The following SRRM1 variants were observed in gnomAD, a reference collection of about 807,000 sequenced individuals.
The protein encoded by SRRM1 is serine/arginine repetitive matrix protein 1.
A neutral mutation model predicts 110.2 loss-of-function variants in SRRM1; 19 were observed. That is an observed-to-expected ratio of 0.17 (90% CI 0.12 to 0.25). The LOEUF (loss-of-function observed/expected upper bound fraction) is 0.25. Ranked by LOEUF, SRRM1 falls within the 10% of genes least tolerant of loss-of-function variation. The pLI is 1.00. For missense variants in SRRM1, 918 were observed against 1,145.8 expected, an observed-to-expected ratio of 0.80 and a Z score of 2.87; for synonymous variants, 443 against 414.9, an observed-to-expected ratio of 1.07 and a Z score of -0.82.
chr1:24,666,016 TAG>T (rs1398656839), intron 12 of SRRM1, among the ~76,000 whole-genome samples: 2 of 152,172 alleles, frequency 1.3e-5, no homozygotes, highest in Admixed American at 1.3e-4. Flanking sequence ...ATTTCTGTAT[TAG>T]AGTCTCTAAA....
At chr1:24,664,123 G>A (rs1231225927) in intron 12 of SRRM1, among the ~76,000 whole-genome samples, 1 of 150,790 alleles carries the variant, frequency 6.6e-6, no homozygotes, top group African/African-American at 2.4e-5. Flanking sequence ...AGCCTCCTGA[G>A]TAGCTGGGAC....
chr1:24,643,612 C>T (rs961130814), intron 1 of SRRM1: 3 of 398,932 alleles, frequency 7.5e-6, no homozygotes, highest in African/African-American at 4.2e-5. Context: ...CGGGATGGTA[C>T]CTCGCTGCCC....
At chr1:24,647,814 A>C (rs747312020) in intron 3 of SRRM1, 7 of 152,388 alleles carry the variant, frequency 4.6e-5, no homozygotes, top group African/African-American at 7.2e-5. Context: ...AAAACCAGGA[A>C]CAGGGGAGAA....
chr1:24,657,516 G>C (rs1158864507), intron 9 of SRRM1, among the ~76,000 whole-genome samples: 1 of 152,166 alleles, frequency 6.6e-6, no homozygotes, highest in East Asian at 1.9e-4. Flanking sequence ...GCTTAGAACA[G>C]TAACATCATT....
rs570725795 is a variant in SRRM1 at position 24,651,330 on chromosome 1, T to TA, written c.522-77dup. ...TATAAACAGTAGTGTAACTAAAGAT[T>TA]AATCCTCACTTCTCCCTTTGACTCC... On this transcript the variant is annotated intron_variant, in intron 5 of 16. Transcript: ENST00000323848. 1,452 of 1,156,986 alleles carry TA rather than the reference T, an allele frequency of 1.3e-3. 6 individuals are homozygous for TA. In the African/African-American group the frequency reaches 0.02, roughly 16 times the overall value. The allele number at this position is 1,156,986 out of a possible 1,614,324, so 71.7% of individuals were successfully genotyped here. A position where few individuals can be genotyped will look rare whatever the true frequency, so the allele number is the denominator to read the frequency against.
intron 13 of SRRM1, 99 bp from the exon 14 acceptor site, chr1:24,669,024 C>G: frequency 1.2e-6 from 1 of 867,804 alleles, no homozygotes; most frequent in East Asian, 2.6e-5. Context: ...TTCCCTTTGC[C>G]TAGTGCTAAC....
chr1:24,672,144 G>A (rs745887642), intron 16 of SRRM1, 38 bp from the exon 17 acceptor site: 3 of 1,491,266 alleles, frequency 2.0e-6, no homozygotes, highest in East Asian at 2.3e-5. Context: ...TCCCACCAGG[G>A]TCTCAAGACT....
chr1:24,644,216 C>T (rs1362939471), intron 1 of SRRM1, among the ~76,000 whole-genome samples: 4 of 152,160 alleles, frequency 2.6e-5, no homozygotes, highest in African/African-American at 9.7e-5. Flanking sequence ...TCTCGGGGCC[C>T]ACACTTTATC....
intron 14 of SRRM1, chr1:24,669,817 G>T (rs1009277451): frequency 5.4e-6 from 3 of 558,672 alleles, no homozygotes; most frequent in South Asian, 2.7e-5. Flanking sequence ...GTTTTTGAGG[G>T]GTATGCTTCC....
intron 1 of SRRM1, among the ~76,000 whole-genome samples, chr1:24,645,490 A>G (rs917475274): frequency 1.3e-5 from 2 of 152,220 alleles, no homozygotes; most frequent in African/African-American, 4.8e-5. Flanking sequence ...TTCTTCACTC[A>G]TTCCAAGTTC....
rs1421618246 is a variant in SRRM1 at position 24,653,036 on chromosome 1, A to G, written c.1040+4A>G. On this transcript the variant is annotated splice_donor_region_variant and intron_variant, in intron 8 of 16. Transcript: ENST00000323848. ...GGAGTAGATCTCCAGTAAGACGGTAAGATTTTTTAAATTTGGAAGTGTCAA... is the reference window on the plus strand; with the variant it reads ...GGAGTAGATCTCCAGTAAGACGGTAGGATTTTTTAAATTTGGAAGTGTCAA... 6.2e-7 allele frequency: 1 copy of G among 1,608,728 alleles called. No individual in the cohort carries two copies. Among genetic ancestry groups the G allele is most frequent in the South Asian group, 1.1e-5 (1 of 90,150 alleles).
At chr1:24,646,560 C>A in intron 2 of SRRM1, 107 bp from the exon 3 acceptor site, 2 of 995,310 alleles carry the variant, frequency 2.0e-6, no homozygotes, top group Admixed American at 2.8e-5. Context: ...TCTACTATGC[C>A]AAACAAAAAA....
At chr1:24,663,164 T>G in intron 12 of SRRM1, 2 of 1,506,158 alleles carry the variant, frequency 1.3e-6, no homozygotes, top group Non-Finnish European at 1.8e-6. Context: ...TGACATTTGT[T>G]TTTCTCCACT....
chr1:24,666,731 C>T lies in SRRM1; in HGVS notation c.1629-84C>T, dbSNP rs1018629031. 9 of 1,110,242 alleles carry T rather than the reference C, an allele frequency of 8.1e-6. No homozygotes were observed. In the African/African-American group the frequency reaches 1.1e-4, roughly 14 times the overall value. 68.8% of individuals were successfully genotyped at this position (1,110,242 alleles called of 1,614,324 possible). A position where few individuals can be genotyped will look rare whatever the true frequency, so the allele number is the denominator to read the frequency against. ...AGTGAGCCAAGATCATGCCATTGCACTCCAGCCTGGGCGACAGAGTGAGAC... is the reference window on the plus strand; with the variant it reads ...AGTGAGCCAAGATCATGCCATTGCATTCCAGCCTGGGCGACAGAGTGAGAC... On this transcript the variant is annotated intron_variant, in intron 12 of 16. Coordinates refer to ENST00000323848, the MANE Select transcript of SRRM1 (RefSeq NM_005839.4).
In SRRM1 at chr1:24,654,963, G is replaced by A. The variant is rs193154391; in HGVS notation, c.1149G>A (p.Arg383=). 2 of 1,614,064 alleles carry A rather than the reference G, an allele frequency of 1.2e-6. No individual in the cohort carries two copies. Among genetic ancestry groups the A allele is most frequent in the Non-Finnish European group, 1.7e-6 (2 of 1,180,012 alleles). ...KPPKRTSSPP[R]KTRRLSPSAS... The stretch of plus-strand genomic sequence containing the variant: ...CCAAGAGGACATCCAGCCCCCCTCG[G>A]AAAACTCGTAGGTTATCTCCTTCAG... Residue 383 remains arginine (R), a synonymous_variant, in exon 9 of 17, where the codon CGG becomes CGA. Coordinates refer to ENST00000323848, the MANE Select transcript of SRRM1 (RefSeq NM_005839.4).
Position 24,661,256 on chromosome 1 carries a change from A to T in SRRM1, c.1397-54A>T. 5 of 1,420,374 alleles carry T rather than the reference A, an allele frequency of 3.5e-6. No homozygotes were observed. The South Asian group carries it at 4.8e-5, about 14-fold the overall frequency. 88.0% of individuals were successfully genotyped at this position (1,420,374 alleles called of 1,614,324 possible). A position where few individuals can be genotyped will look rare whatever the true frequency, so the allele number is the denominator to read the frequency against. ...AGACTATTTTCCTATTCAAATTGCA[A>T]ATTTTCTATATGCTTAACTAAAGAA... On this transcript the variant is annotated intron_variant, in intron 10 of 16. Coordinates refer to ENST00000323848, the MANE Select transcript of SRRM1 (RefSeq NM_005839.4).
chr1:24,671,110 A>C (rs1672507538), intron 15 of SRRM1, among the ~76,000 whole-genome samples: 1 of 152,190 alleles, frequency 6.6e-6, no homozygotes, highest in Non-Finnish European at 1.5e-5. Flanking sequence ...TATTACACTT[A>C]TTTTAGGTAA....
rs766066881 is a variant in SRRM1 at position 24,662,693 on chromosome 1, G to T, written c.1517G>T (p.Arg506Leu). ...TCCTCCTCCTCCTCAGAAGATGAACGACCCAAGAGATCCCATGTGAAGAAT... is the reference window on the plus strand; with the variant it reads ...TCCTCCTCCTCCTCAGAAGATGAACTACCCAAGAGATCCCATGTGAAGAAT... Reference protein sequence around the residue: ...SGSSSSSEDERPKRSHVKNGE... With the variant: ...SGSSSSSEDELPKRSHVKNGE... Residue 506 changes from arginine (R) to leucine (L), a missense_variant, in exon 12 of 17, where the codon CGA becomes CTA. Physicochemically the swap from Arg to Leu is moderately radical, Grantham distance 102. Coordinates refer to ENST00000323848, the MANE Select transcript of SRRM1 (RefSeq NM_005839.4). The T allele has an allele frequency of 8.1e-6, 13 of 1,613,904 alleles. No individual in the cohort carries two copies. Among genetic ancestry groups the T allele is most frequent in the Non-Finnish European group, 1.1e-5 (13 of 1,179,956 alleles).
intron 9 of SRRM1, among the ~76,000 whole-genome samples, chr1:24,655,492 A>G (rs1192713427): frequency 6.6e-6 from 1 of 152,098 alleles, no homozygotes; most frequent in African/African-American, 2.4e-5. Flanking sequence ...TTTTGGTTTG[A>G]TATCTTAAAT....
Sources: allele counts gnomAD v4.1 joint callset (sites outside exome capture counted in the v4.1 genomes callset), GRCh38; gene constraint gnomAD v4.1.1; transcripts MANE v1.5; gene names NCBI Gene and HGNC (gene_info 2026-07-23, HGNC 2026-07-21).